Variants in TGFBR1 observed in about 807,000 individuals in gnomAD.
TGFBR1 encodes TGF-beta receptor type-1.
TGFBR1 carries 20 observed loss-of-function variants against 55.1 expected under a neutral mutation model. The ratio of observed to expected loss-of-function variants is 0.36; its 90% CI spans 0.26 to 0.53. TGFBR1 has a LOEUF of 0.53. Among genes scored for constraint, TGFBR1 ranks in the 20% least tolerant of loss-of-function variants. TGFBR1 has a pLI of 0.91. For synonymous variants in TGFBR1, 220 were observed against 214.8 expected (o/e 1.02, Z -0.21); for missense variants, 385 against 617.6 (o/e 0.62, Z 3.99).
chr9:99,104,716 G>C (rs1012575152), upstream of TGFBR1, among the ~76,000 whole-genome samples: 1 of 152,194 alleles, frequency 6.6e-6, no homozygotes, highest in African/African-American at 2.4e-5. Context: ...GATCTTCCGC[G>C]CCTAGAGGAG....
At chr9:99,108,224 T>A (rs1826469720) in intron 1 of TGFBR1, among the ~76,000 whole-genome samples, 1 of 152,236 alleles carries the variant, frequency 6.6e-6, no homozygotes, top group South Asian at 2.1e-4. Context: ...TTGTATGGCG[T>A]GTTGAAAGCA....
At chr9:99,147,451 A>AG (rs1319938007) in intron 7 of TGFBR1, among the ~76,000 whole-genome samples, 2 of 152,154 alleles carry the variant, frequency 1.3e-5, no homozygotes, top group Admixed American at 1.3e-4. Context: ...GGCAATACTT[A>AG]GTTTCAAGGT....
chr9:99,124,021 A>T, intron 1 of TGFBR1, among the ~76,000 whole-genome samples: 1 of 152,148 alleles, frequency 6.6e-6, no homozygotes, highest in Non-Finnish European at 1.5e-5. Flanking sequence ...GAACAATTTA[A>T]ATTTGATCAT....
At chr9:99,116,445 C>T (rs1052092117) in intron 1 of TGFBR1, among the ~76,000 whole-genome samples, 2 of 152,192 alleles carry the variant, frequency 1.3e-5, no homozygotes, top group Non-Finnish European at 2.9e-5. Flanking sequence ...TCTGATTTAG[C>T]TTAGTCTCTG....
intron 2 of TGFBR1, among the ~76,000 whole-genome samples, chr9:99,129,831 A>G (rs1282790589): frequency 2.0e-5 from 3 of 152,146 alleles, no homozygotes; most frequent in African/African-American, 7.2e-5. Context: ...CCTGGGAGGC[A>G]GAGGTTGCAG....
intron 1 of TGFBR1, among the ~76,000 whole-genome samples, chr9:99,112,011 A>G (rs1478511585): frequency 6.6e-6 from 1 of 152,178 alleles, no homozygotes; most frequent in Non-Finnish European, 1.5e-5. Flanking sequence ...GCTGGAGAGG[A>G]TGGCATGTGT....
chr9:99,110,237 T>A (rs550886926), intron 1 of TGFBR1, among the ~76,000 whole-genome samples: 46 of 151,926 alleles, frequency 3.0e-4, no homozygotes, highest in African/African-American at 1.1e-3. Context: ...CTAATCTAAC[T>A]TAAAAAAAAT....
chr9:99,143,050 C>T (rs1014450852), intron 5 of TGFBR1, among the ~76,000 whole-genome samples: 1 of 152,084 alleles, frequency 6.6e-6, no homozygotes, highest in Middle Eastern at 3.4e-3. Context: ...TAGAGAGAGA[C>T]CCTGTCTCAG....
At chr9:99,123,586 C>T (rs538534506) in intron 1 of TGFBR1, among the ~76,000 whole-genome samples, 1 of 152,230 alleles carries the variant, frequency 6.6e-6, no homozygotes, top group Non-Finnish European at 1.5e-5. Flanking sequence ...GGATTCACAT[C>T]CGCCTGTAAT....
chr9:99,132,327 G>A (rs559371879), intron 2 of TGFBR1, among the ~76,000 whole-genome samples, 182 bp from the exon 3 acceptor site: 1 of 152,302 alleles, frequency 6.6e-6, no homozygotes, highest in East Asian at 1.9e-4. Flanking sequence ...AGGAGGCCTA[G>A]TGGGAGAAGA....
Position 99,129,071 on chromosome 9 carries a change from A to G in TGFBR1, c.314A>G (p.His105Arg). The G allele has an allele frequency of 6.2e-7, 1 of 1,613,962 alleles. No homozygotes were observed. The highest frequency in any genetic ancestry group is 8.5e-7 in the Non-Finnish European group (1 of 1,179,892). ...VTTTYCCNQD[H>R]CNKIELPTTV... Reference sequence around the variant, plus strand: ...ACAACATATTGCTGCAATCAGGACCATTGCAATAAAATAGAACTTCCAACT... The same window carrying G: ...ACAACATATTGCTGCAATCAGGACCGTTGCAATAAAATAGAACTTCCAACT... Residue 105 changes from histidine (H) to arginine (R), a missense_variant, in exon 2 of 9, where the codon CAT (histidine) becomes CGT (arginine). By Grantham distance (29) the His-to-Arg change is conservative. This residue lies in a region of TGFBR1 where 146 missense variants were observed against 167.7 expected (regional missense o/e 0.87). Transcript: ENST00000374994.
rs566398993 is a variant in TGFBR1 at position 99,149,109 on chromosome 9, C to T, written c.1387-71C>T. 638 of 1,487,740 alleles carry T rather than the reference C, an allele frequency of 4.3e-4. 1 individual carries two copies. The highest frequency in any genetic ancestry group is 4.8e-4 in the Non-Finnish European group (521 of 1,095,154). 92.2% of individuals were successfully genotyped at this position (1,487,740 alleles called of 1,614,324 possible). On this transcript the variant is annotated intron_variant, in intron 8 of 8. Coordinates refer to ENST00000374994, the MANE Select transcript of TGFBR1 (RefSeq NM_004612.4). The stretch of plus-strand genomic sequence containing the variant: ...ATGTCATTTAAAAAGAAAATTTACA[C>T]GTAAAAATTCTTATCCAGACCAATG...
chr9:99,132,183 G>C (rs1827251110), intron 2 of TGFBR1, among the ~76,000 whole-genome samples: 1 of 152,124 alleles, frequency 6.6e-6, no homozygotes, highest in Non-Finnish European at 1.5e-5. Flanking sequence ...AATAGGTATT[G>C]TTACAGGTTA....
At chr9:99,117,886 A>T (rs1826793889) in intron 1 of TGFBR1, among the ~76,000 whole-genome samples, 12 of 152,194 alleles carry the variant, frequency 7.9e-5, no homozygotes, top group Admixed American at 7.9e-4. Flanking sequence ...TTCTGATTTG[A>T]TTTTATTGAA....
intron 1 of TGFBR1, among the ~76,000 whole-genome samples, chr9:99,113,141 T>A (rs1369678975): frequency 6.6e-6 from 1 of 152,238 alleles, no homozygotes; most frequent in African/African-American, 2.4e-5. Flanking sequence ...GAATTACTTG[T>A]GATCTTCTGG....
chr9:99,138,624 C>T (rs957904404), intron 4 of TGFBR1, among the ~76,000 whole-genome samples: 2 of 152,146 alleles, frequency 1.3e-5, no homozygotes, highest in Admixed American at 6.5e-5. Context: ...GGTAACTGTA[C>T]GGACACTTTT....
At chr9:99,144,943 C>G in intron 6 of TGFBR1, 55 bp downstream of exon 6, 1 of 1,581,874 alleles carries the variant, frequency 6.3e-7, no homozygotes, top group Non-Finnish European at 8.7e-7. Flanking sequence ...TTTTTCCCTT[C>G]TCTTTCATAT....
At chr9:99,137,765 A>G in intron 3 of TGFBR1, 94 bp from the exon 4 acceptor site, 1 of 938,464 alleles carries the variant, frequency 1.1e-6, no homozygotes, top group Non-Finnish European at 1.7e-6. Flanking sequence ...AGCTTAAAGT[A>G]TCAGTTTTCT....
At chr9:99,138,793 A>G (rs1274841160) in intron 4 of TGFBR1, among the ~76,000 whole-genome samples, 5 of 151,216 alleles carry the variant, frequency 3.3e-5, no homozygotes, top group African/African-American at 4.9e-5. Flanking sequence ...CTTTATGCCC[A>G]TGATTCCTAC....
Sources: gnomAD v4.1 joint callset for allele counts (sites outside exome capture counted in the v4.1 genomes callset) on GRCh38, gnomAD v4.1.1 for gene constraint, gnomAD v4.1.1 regional missense constraint, MANE v1.5 for transcripts, NCBI Gene and HGNC (gene_info 2026-07-23, HGNC 2026-07-21) for gene names.